Variants in ANKRD31 observed in about 807,000 individuals in gnomAD.
The protein encoded by ANKRD31 is ankyrin repeat domain 31.
Under a neutral mutation model 186.0 loss-of-function variants are expected in ANKRD31, and 147 were observed. The observed-to-expected ratio is 0.79, with a 90% CI of 0.69 to 0.91. The LOEUF is 0.91. ANKRD31 is among the 40% of genes least tolerant of loss of function. The probability of loss-of-function intolerance (pLI) is 0.00; values close to 1 mark genes in which losing one functional copy is unlikely to be tolerated. For synonymous variants in ANKRD31, 673 were observed against 736.4 expected (o/e 0.91, Z 1.39); for missense variants, 1,986 against 2,148.8 (o/e 0.92, Z 1.50).
intron 3 of ANKRD31, among the ~76,000 whole-genome samples, chr5:75,215,129 TC>T (rs1422018355): frequency 7.9e-5 from 12 of 152,056 alleles, no homozygotes; most frequent in African/African-American, 2.9e-4. Flanking sequence ...CAGCAGGAAA[TC>T]ATCCGGGAGA....
chr5:75,181,736 G>T, intron 10 of ANKRD31, among the ~76,000 whole-genome samples: 1 of 128,694 alleles, frequency 7.8e-6, no homozygotes, highest in East Asian at 2.8e-4. Flanking sequence ...GACTGTTGTG[G>T]GGTCGGGGGA....
At chr5:75,213,372 C>T (rs1002707314) in intron 3 of ANKRD31, among the ~76,000 whole-genome samples, 1 of 152,178 alleles carries the variant, frequency 6.6e-6, no homozygotes, top group Non-Finnish European at 1.5e-5. Flanking sequence ...AACTCCTGGG[C>T]TCAAGCTATC....
intron 19 of ANKRD31, among the ~76,000 whole-genome samples, chr5:75,115,258 C>G (rs1748122165): frequency 6.6e-6 from 1 of 150,672 alleles, no homozygotes; most frequent in Non-Finnish European, 1.5e-5. Flanking sequence ...AAAATCAATT[C>G]AAGATGGATT....
At position 75,148,266 on chromosome 5, in the gene ANKRD31, T is replaced by C. The variant is rs538673112; in HGVS notation, c.1905+310A>G. On this transcript the variant is annotated intron_variant, in intron 13 of 25. Transcript: ENST00000506364. ...GCCCACGATGTAAAGTTTGAAGGGA[T>C]GGGCTAATACCTTTGACTCTTTCCT... 2.6e-4 allele frequency among the ~76,000 whole-genome samples: 40 copies of C among 151,974 alleles called. No homozygotes were observed. The South Asian group carries it at 4.1e-3, about 16-fold the overall frequency.
In ANKRD31 at chr5:75,084,263, T is replaced by A; in HGVS notation, c.5575+9A>T. The stretch of plus-strand genomic sequence containing the variant: ...CACAACGAAGAAATGAGTGTTGTTC[T>A]GTACATACCTGGAAGACAAGGTTGA... On this transcript the variant is annotated intron_variant, in intron 24 of 25. Transcript: ENST00000506364. 6.6e-7 allele frequency: 1 copy of A among 1,526,058 alleles called. No homozygotes were observed. Among genetic ancestry groups the A allele is most frequent in the Non-Finnish European group, 8.8e-7 (1 of 1,136,804 alleles). 94.5% of individuals were successfully genotyped at this position (1,526,058 alleles called of 1,614,324 possible).
intron 22 of ANKRD31, among the ~76,000 whole-genome samples, chr5:75,094,943 G>T (rs1580311903): frequency 2.0e-5 from 3 of 152,116 alleles, no homozygotes. Flanking sequence ...GATGATGGGG[G>T]ACATTTTATA....
In ANKRD31 at chr5:75,079,553, C is replaced by T. The variant is rs1744924778; in HGVS notation, c.5647+1015G>A. Reference sequence around the variant, plus strand: ...GCAGTGGCATGATCTCAGCTTACTGCAACCTCCGCCTCTCGGATTCAAGCA... The same window carrying T: ...GCAGTGGCATGATCTCAGCTTACTGTAACCTCCGCCTCTCGGATTCAAGCA... On this transcript the variant is annotated intron_variant, in intron 25 of 25. Coordinates refer to ENST00000506364, the MANE Select transcript of ANKRD31 (RefSeq NM_001372053.1). Among the ~76,000 whole-genome samples, 4 of 151,926 alleles carry T rather than the reference C, an allele frequency of 2.6e-5. No individual in the cohort carries two copies. The South Asian group carries it at 8.3e-4, about 32-fold the overall frequency.
chr5:75,192,743 T>C lies in ANKRD31; in HGVS notation c.1332A>G (p.Lys444=), dbSNP rs1457480045. 6.5e-7 allele frequency: 1 copy of C among 1,535,640 alleles called. No homozygotes were observed. The highest frequency in any genetic ancestry group is 1.2e-5 in the South Asian group (1 of 83,620). ...ACCTTGCTGAATGCATATTCTTCTC[T>C]TTACCATCAATCATTAAAGCCGGAT... ...MQDPALMIDG[K]EKNMHSARFK... is the part of the protein sequence containing the mutation. Residue 444 remains lysine, a synonymous_variant, in exon 9 of 26, where the codon AAA becomes AAG. Transcript: ENST00000506364.
chr5:75,103,266 C>A (rs974603215), intron 22 of ANKRD31, among the ~76,000 whole-genome samples: 2 of 152,174 alleles, frequency 1.3e-5, no homozygotes, highest in Non-Finnish European at 2.9e-5. Context: ...CATCACTGAT[C>A]ATTAGACAAA....
At chr5:75,153,967 C>T (rs1018805879) in intron 12 of ANKRD31, among the ~76,000 whole-genome samples, 5 of 152,090 alleles carry the variant, frequency 3.3e-5, no homozygotes, top group African/African-American at 4.8e-5. Flanking sequence ...GGTTTCTTAA[C>T]TCTTTGCAAT....
intron 10 of ANKRD31, among the ~76,000 whole-genome samples, chr5:75,184,961 G>C (rs1754597260): frequency 6.6e-6 from 1 of 152,092 alleles, no homozygotes; most frequent in Admixed American, 6.6e-5. Context: ...CTCAACCTAA[G>C]TGTCCATCAA....
intron 20 of ANKRD31, among the ~76,000 whole-genome samples, chr5:75,111,491 T>C (rs1174198550): frequency 6.6e-6 from 1 of 152,108 alleles, no homozygotes; most frequent in Non-Finnish European, 1.5e-5. Context: ...AAAAGTAGAA[T>C]GTGCAAAATT....
In ANKRD31 at chr5:75,104,528, T is replaced by G; in HGVS notation, c.5031A>C (p.Arg1677Ser). The G allele has an allele frequency of 4.6e-6, 7 of 1,537,066 alleles. No individual in the cohort carries two copies. The highest frequency in any genetic ancestry group is 6.1e-6 in the Non-Finnish European group (7 of 1,146,868). The change falls in exon 22 of 26, where the codon AGA becomes AGC. Residue 1677 changes from arginine to serine, a missense_variant. Coordinates refer to ENST00000506364, the MANE Select transcript of ANKRD31 (RefSeq NM_001372053.1). ...LSNYDPKRGN[R>S]KTSSQQSPTG... ...TAGGTGATTGCTGGGAACTTGTTTT[T>G]CTGTTTCCTCTTTTGGGATCATAAT... is the stretch of plus-strand genomic sequence containing the variant.
chr5:75,140,286 A>AAAGGAAGGAAGGAAGGAAGG (rs55831869), intron 15 of ANKRD31, among the ~76,000 whole-genome samples: 1,482 of 140,924 alleles, frequency 0.011, 31 homozygotes, highest in Non-Finnish European at 0.016. Context: ...AGAGAGAAAG[A>AAAGGAAGGAAGGAAGGAAGG]AAGGAAGGAA....
At chr5:75,222,402 G>C (rs1438275710) in intron 2 of ANKRD31, 44 bp from the exon 3 acceptor site, 2 of 1,379,690 alleles carry the variant, frequency 1.4e-6, no homozygotes, top group South Asian at 1.3e-5. Flanking sequence ...CAGTTTTATT[G>C]CTCTGCTTTG....
At position 75,224,172 on chromosome 5, in the gene ANKRD31, TATATATAC is replaced by T. The variant is rs1472351120; in HGVS notation, c.179-1822_179-1815del. ...ATATATATATATATGTATATATATA[TATATATAC>T]ACACATTTCTTCCATTAGAATTCCA... On this transcript the variant is annotated intron_variant, in intron 2 of 25. Transcript: ENST00000506364. Among the ~76,000 whole-genome samples, 84 of 119,532 alleles carry T rather than the reference TATATATAC, an allele frequency of 7.0e-4. 3 individuals carry two copies. The highest frequency in any genetic ancestry group is 3.1e-3 in the African/African-American group (82 of 26,230). 78.4% of individuals were successfully genotyped at this position (119,532 alleles called of 152,430 possible). A position where few individuals can be genotyped will look rare whatever the true frequency, so the allele number is the denominator to read the frequency against.
chr5:75,187,149 T>TGTGTGTGTGTG (rs1561518092), intron 10 of ANKRD31, among the ~76,000 whole-genome samples: 53 of 148,574 alleles, frequency 3.6e-4, no homozygotes, highest in South Asian at 8.5e-4. Flanking sequence ...TGTGTGTGTG[T>TGTGTGTGTGTG]TTTGGGAGGT....
intron 3 of ANKRD31, among the ~76,000 whole-genome samples, chr5:75,219,207 T>C (rs570957615): frequency 6.6e-6 from 1 of 152,316 alleles, no homozygotes; most frequent in East Asian, 1.9e-4. Context: ...CTATCCCTGT[T>C]TGCAAATGAC....
chr5:75,171,439 T>C (rs1235082386), intron 10 of ANKRD31, among the ~76,000 whole-genome samples: 3 of 151,588 alleles, frequency 2.0e-5, no homozygotes, highest in African/African-American at 7.3e-5. Context: ...ATAAAACATA[T>C]AAAAATCTGT....
Sources: gnomAD v4.1 joint callset for allele counts (sites outside exome capture counted in the v4.1 genomes callset) on GRCh38, gnomAD v4.1.1 for gene constraint, MANE v1.5 for transcripts, NCBI Gene and HGNC (gene_info 2026-07-23, HGNC 2026-07-21) for gene names.